Variants in RORB observed in about 807,000 individuals in gnomAD.
RORB encodes the protein RAR related orphan receptor B.
Under a neutral mutation model 59.1 loss-of-function variants are expected in RORB, and 6 were observed. The ratio of observed to expected loss-of-function variants is 0.10; its 90% CI spans 0.06 to 0.20. The LOEUF (loss-of-function observed/expected upper bound fraction) is 0.20. RORB is among the 10% of genes least tolerant of loss of function. RORB has a pLI of 1.00. For synonymous variants in RORB, 215 were observed against 204.5 expected, an observed-to-expected ratio of 1.05 and a Z score of -0.44; for missense variants, 320 against 560.5, an observed-to-expected ratio of 0.57 and a Z score of 4.33.
At chr9:74,537,268 A>T (rs1826334561) in intron 1 of RORB, among the ~76,000 whole-genome samples, 1 of 152,122 alleles carries the variant, frequency 6.6e-6, no homozygotes, top group Admixed American at 6.6e-5. Context: ...AAGACTGTGT[A>T]TCCTCTTATG....
intron 1 of RORB, among the ~76,000 whole-genome samples, chr9:74,546,490 T>A (rs1016903595): frequency 2.1e-4 from 32 of 150,638 alleles, no homozygotes; most frequent in African/African-American, 7.3e-4. Context: ...GTGAAAAAGG[T>A]TTTAGAAGAA....
At chr9:74,519,277 C>T (rs978685406) in intron 1 of RORB, among the ~76,000 whole-genome samples, 1 of 151,956 alleles carries the variant, frequency 6.6e-6, no homozygotes, top group African/African-American at 2.4e-5. Flanking sequence ...GGAGTGTGCA[C>T]ACGCATGCAC....
chr9:74,532,010 A>G (rs1474219887), intron 1 of RORB, among the ~76,000 whole-genome samples: 3 of 151,888 alleles, frequency 2.0e-5, no homozygotes, highest in African/African-American at 7.2e-5. Context: ...GTTTCTTTTT[A>G]TCTAAGCTGA....
chr9:74,512,343 C>T (rs1335919346), intron 1 of RORB, among the ~76,000 whole-genome samples: 1 of 152,122 alleles, frequency 6.6e-6, no homozygotes, highest in Non-Finnish European at 1.5e-5. Context: ...TGTGGGAATG[C>T]TTTAAATATT....
intron 1 of RORB, among the ~76,000 whole-genome samples, chr9:74,626,409 C>G (rs562087836): frequency 6.6e-6 from 1 of 152,112 alleles, no homozygotes; most frequent in East Asian, 1.9e-4. Context: ...TTAATTAATA[C>G]ATAACATTTT....
chr9:74,500,079 C>T (rs898107729), intron 1 of RORB, among the ~76,000 whole-genome samples: 7 of 152,294 alleles, frequency 4.6e-5, no homozygotes, highest in African/African-American at 1.2e-4. Context: ...TCCTCATGCT[C>T]ACCTTGAGAA....
At chr9:74,567,097 G>T (rs892715665) in intron 1 of RORB, among the ~76,000 whole-genome samples, 3 of 151,320 alleles carry the variant, frequency 2.0e-5, no homozygotes, top group African/African-American at 7.3e-5. Flanking sequence ...GCGTGATCTC[G>T]GCTCACTACA....
chr9:74,585,845 A>G (rs1384452462), intron 1 of RORB, among the ~76,000 whole-genome samples: 1 of 135,122 alleles, frequency 7.4e-6, no homozygotes, highest in Non-Finnish European at 1.6e-5. Context: ...CCCAGACTGG[A>G]GTGCAGTGGA....
In RORB at chr9:74,656,013, C is replaced by T. The variant is rs1455007711; in HGVS notation, c.638-4604C>T. On this transcript the variant is annotated intron_variant, in intron 4 of 9. Coordinates refer to ENST00000376896, the MANE Select transcript of RORB (RefSeq NM_006914.4). ...TAAAAGAGATTTGACTTGTATTTCC[C>T]ACCACAAGGATATGGAAAATAATTT... is the stretch of plus-strand genomic sequence containing the variant. 3.3e-5 allele frequency among the ~76,000 whole-genome samples: 5 copies of T among 152,194 alleles called. No individual in the cohort carries two copies. The East Asian group carries it at 9.6e-4, about 29-fold the overall frequency.
intron 4 of RORB, among the ~76,000 whole-genome samples, chr9:74,645,892 A>G (rs1258389547): frequency 6.6e-6 from 1 of 152,096 alleles, no homozygotes; most frequent in African/African-American, 2.4e-5. Context: ...TCACAAGTTG[A>G]TTGCCATTCT....
chr9:74,569,748 TTATA>T (rs1822522308), intron 1 of RORB, among the ~76,000 whole-genome samples: 1 of 152,004 alleles, frequency 6.6e-6, no homozygotes, highest in Non-Finnish European at 1.5e-5. Context: ...AAAAAGGAAA[TTATA>T]TACTGCATTT....
At chr9:74,662,718 C>A in intron 6 of RORB, 112 bp downstream of exon 6, 2 of 1,125,278 alleles carry the variant, frequency 1.8e-6, no homozygotes, top group Non-Finnish European at 2.6e-6. Context: ...TTTCTACCAC[C>A]CACATTGTCA....
Position 74,665,502 on chromosome 9 carries a change from G to C in RORB, c.907G>C (p.Val303Leu). The stretch of plus-strand genomic sequence containing the variant: ...TTTACTCATAGGTTGCTTGGAAGTG[G>C]TTTTAGTGAGAATGTGCCGTGCCTT... ...LLLKSGCLEVVLVRMCRAFNP... is the reference protein window; with the variant it reads ...LLLKSGCLEVLLVRMCRAFNP... Residue 303 changes from valine to leucine, a missense_variant, in exon 7 of 10, where the codon GTT (valine) becomes CTT (leucine). By Grantham distance (32) the Val-to-Leu change is conservative. Around this residue, in one of 4 missense-constraint regions of RORB, gnomAD observed 40 missense variants for 116.9 expected, o/e 0.34. Coordinates refer to ENST00000376896, the MANE Select transcript of RORB (RefSeq NM_006914.4). 6.2e-7 allele frequency: 1 copy of C among 1,604,848 alleles called. No individual in the cohort carries two copies. The highest frequency in any genetic ancestry group is 1.1e-5 in the South Asian group (1 of 89,174).
At chr9:74,547,877 T>C (rs1480180296) in intron 1 of RORB, among the ~76,000 whole-genome samples, 1 of 152,168 alleles carries the variant, frequency 6.6e-6, no homozygotes, top group African/African-American at 2.4e-5. Flanking sequence ...TTTTTAAAAA[T>C]CCTGGCTGCA....
intron 4 of RORB, among the ~76,000 whole-genome samples, chr9:74,657,535 C>G (rs1254154049): frequency 1.3e-5 from 2 of 152,172 alleles, no homozygotes; most frequent in Non-Finnish European, 2.9e-5. Flanking sequence ...ATACATCTTT[C>G]TCTTCTCCAT....
At chr9:74,503,212 G>C (rs532241491) in intron 1 of RORB, among the ~76,000 whole-genome samples, 1 of 152,062 alleles carries the variant, frequency 6.6e-6, no homozygotes, top group East Asian at 1.9e-4. Flanking sequence ...TAAACAAAAA[G>C]TATTATTCCT....
intron 1 of RORB, chr9:74,498,395 G>T (rs1029744222): frequency 5.4e-6 from 1 of 186,014 alleles, no homozygotes; most frequent in African/African-American, 2.4e-5. Flanking sequence ...TGGGCGCGCG[G>T]GGCGCACCGG....
chr9:74,500,262 C>G lies in RORB; in HGVS notation c.7+2279C>G, dbSNP rs182887280. 1.3e-4 allele frequency among the ~76,000 whole-genome samples: 20 copies of G among 152,226 alleles called. 1 individual carries two copies. The highest frequency in any genetic ancestry group is 2.5e-4 in the Non-Finnish European group (17 of 68,016). ...CACTCTATCGCCATTCCTGGTTGCC[C>G]TTTCCTGACCCCTAGTGTCTTTCCT... On this transcript the variant is annotated intron_variant, in intron 1 of 9. Coordinates refer to ENST00000376896, the MANE Select transcript of RORB (RefSeq NM_006914.4).
intron 1 of RORB, among the ~76,000 whole-genome samples, chr9:74,532,766 G>A (rs527264572): frequency 9.7e-5 from 14 of 143,972 alleles, no homozygotes; most frequent in South Asian, 2.1e-4. Context: ...ATATACACAC[G>A]TGTATGTGTA....
Sources: gnomAD v4.1 joint callset for allele counts (sites outside exome capture counted in the v4.1 genomes callset) on GRCh38, gnomAD v4.1.1 for gene constraint, gnomAD v4.1.1 regional missense constraint, MANE v1.5 for transcripts, NCBI Gene and HGNC (gene_info 2026-07-23, HGNC 2026-07-21) for gene names.